The following GLT6D1 variants were observed in gnomAD, a reference collection of about 807,000 sequenced individuals.
The protein encoded by GLT6D1 is glycosyltransferase 6 domain containing 1.
Under a neutral mutation model 12.3 loss-of-function variants are expected in GLT6D1, and 9 were observed. The observed-to-expected ratio is 0.73, with a 90% CI of 0.44 to 1.27. The LOEUF (loss-of-function observed/expected upper bound fraction) is 1.27. GLT6D1 is among the 50% of genes most tolerant of loss of function. The pLI is 0.00. For synonymous variants in GLT6D1, 128 were observed against 132.3 expected (o/e 0.97, Z 0.23); for missense variants, 335 against 346.2 (o/e 0.97, Z 0.26).
chr9:135,625,858 A>G (rs1833501882), intron 4 of GLT6D1, among the ~76,000 whole-genome samples: 1 of 152,144 alleles, frequency 6.6e-6, no homozygotes, highest in African/African-American at 2.4e-5. Context: ...ATCTTGCAAG[A>G]CTGTCACTAA....
intron 2 of GLT6D1, among the ~76,000 whole-genome samples, chr9:135,632,050 G>A (rs563156981): frequency 2.4e-4 from 36 of 151,556 alleles, no homozygotes; most frequent in Non-Finnish European, 4.3e-4. Flanking sequence ...TCAACACTGC[G>A]TTCTTCTAGA....
At chr9:135,627,208 A>T (rs896754158) in intron 3 of GLT6D1, among the ~76,000 whole-genome samples, 29 of 149,262 alleles carry the variant, frequency 1.9e-4, no homozygotes, top group African/African-American at 6.7e-4. Context: ...AGATTACATA[A>T]TTGTCTACAT....
At position 135,639,463 on chromosome 9, in the gene GLT6D1, C is replaced by A; in HGVS notation, c.-177G>T. 1 of 282,596 alleles carries A rather than the reference C, an allele frequency of 3.5e-6. No homozygotes were observed. Among genetic ancestry groups the A allele is most frequent in the East Asian group, 7.2e-5 (1 of 13,902 alleles). The allele number at this position is 282,596 out of a possible 1,614,324, so 17.5% of individuals were successfully genotyped here. A position where few individuals can be genotyped will look rare whatever the true frequency, so the allele number is the denominator to read the frequency against. ...GTCTGCGTTGATTGCATGAAAGAAACGCAATAAATCTCTCCACTGCAGGGC... is the reference window on the plus strand; with the variant it reads ...GTCTGCGTTGATTGCATGAAAGAAAAGCAATAAATCTCTCCACTGCAGGGC... On this transcript the variant is annotated 5_prime_UTR_variant, in exon 1 of 5. Transcript: ENST00000371763.
intron 2 of GLT6D1, among the ~76,000 whole-genome samples, chr9:135,636,924 C>A (rs936268626): frequency 6.6e-6 from 1 of 152,106 alleles, no homozygotes; most frequent in African/African-American, 2.4e-5. Context: ...GTGATCTCAG[C>A]TCACCGCAAC....
Position 135,624,162 on chromosome 9 carries a change from T to A in GLT6D1, c.766A>T (p.Asn256Tyr). 2 of 1,613,740 alleles carry A rather than the reference T, an allele frequency of 1.2e-6. No individual in the cohort carries two copies. Among genetic ancestry groups the A allele is most frequent in the Non-Finnish European group, 1.7e-6 (2 of 1,179,904 alleles). The change falls in exon 5 of 5, where the codon AAT becomes TAT. Residue 256 changes from asparagine (N) to tyrosine (Y), a missense_variant. Transcript: ENST00000371763. ...TTTTCATAAGTGCTATTGAGTCCAT[T>A]TTTGATGTCATGAATAACTCCGTTC... is the stretch of plus-strand genomic sequence containing the variant. Reference protein sequence around the residue: ...YLNGVIHDIKNGLNSTYEKHL... With the variant: ...YLNGVIHDIKYGLNSTYEKHL...
intron 4 of GLT6D1, 138 bp downstream of exon 4, chr9:135,625,931 T>G: frequency 1.0e-6 from 1 of 955,320 alleles, no homozygotes; most frequent in Non-Finnish European, 1.6e-6. Context: ...ACAGGTAAGT[T>G]TGTTTCTCCC....
At chr9:135,633,393 GT>G (rs1262342234) in intron 2 of GLT6D1, among the ~76,000 whole-genome samples, 3 of 152,050 alleles carry the variant, frequency 2.0e-5, no homozygotes, top group African/African-American at 7.2e-5. Flanking sequence ...CAGATTACAG[GT>G]GCCCACTGCC....
At chr9:135,634,957 T>C (rs1002340559) in intron 2 of GLT6D1, among the ~76,000 whole-genome samples, 1 of 152,206 alleles carries the variant, frequency 6.6e-6, no homozygotes, top group African/African-American at 2.4e-5. Flanking sequence ...AAGAAAGCGC[T>C]GCGCGCAACC....
Position 135,623,899 on chromosome 9 carries a change from T to G in GLT6D1, c.*198A>C. ...AGAAGAAACATTTATTTGGGAAGGA[T>G]GTAAATTTGTATGTCTCTAAAAAAT... On this transcript the variant is annotated 3_prime_UTR_variant, in exon 5 of 5. Coordinates refer to ENST00000371763, the MANE Select transcript of GLT6D1 (RefSeq NM_182974.3). 2.0e-6 allele frequency: 1 copy of G among 509,414 alleles called. No individual in the cohort carries two copies. The highest frequency in any genetic ancestry group is 3.4e-6 in the Non-Finnish European group (1 of 289,938). 31.6% of individuals were successfully genotyped at this position (509,414 alleles called of 1,614,324 possible).
At chr9:135,635,195 G>C (rs1833745734) in intron 2 of GLT6D1, among the ~76,000 whole-genome samples, 1 of 152,120 alleles carries the variant, frequency 6.6e-6, no homozygotes, top group Non-Finnish European at 1.5e-5. Flanking sequence ...TTCATACTTT[G>C]GGTTATAATT....
At chr9:135,632,000 G>A (rs1286963983) in intron 2 of GLT6D1, among the ~76,000 whole-genome samples, 1 of 152,074 alleles carries the variant, frequency 6.6e-6, no homozygotes, top group East Asian at 1.9e-4. Context: ...AACCTCCAAA[G>A]TATCTGGGAC....
At position 135,639,464 on chromosome 9, in the gene GLT6D1, G is replaced by A. The variant is rs996264795; in HGVS notation, c.-178C>T. On this transcript the variant is annotated 5_prime_UTR_variant, in exon 1 of 5. Coordinates refer to ENST00000371763, the MANE Select transcript of GLT6D1 (RefSeq NM_182974.3). ...TCTGCGTTGATTGCATGAAAGAAAC[G>A]CAATAAATCTCTCCACTGCAGGGCT... The A allele has an allele frequency of 5.0e-5, 14 of 282,512 alleles. No individual in the cohort carries two copies. Among genetic ancestry groups the A allele is most frequent in the East Asian group, 7.2e-5 (1 of 13,888 alleles). 17.5% of individuals were successfully genotyped at this position (282,512 alleles called of 1,614,324 possible).
intron 2 of GLT6D1, 73 bp from the exon 3 acceptor site, chr9:135,631,551 C>A: frequency 2.5e-6 from 3 of 1,190,664 alleles, no homozygotes; most frequent in Non-Finnish European, 3.8e-6. Context: ...ATAGGCAGGC[C>A]CCGTTTGGTG....
At chr9:135,626,695 A>T (rs900999279) in intron 3 of GLT6D1, among the ~76,000 whole-genome samples, 1 of 151,730 alleles carries the variant, frequency 6.6e-6, no homozygotes, top group Non-Finnish European at 1.5e-5. Flanking sequence ...CCCTTTTCCT[A>T]CAAGTTTCTG....
In GLT6D1 at chr9:135,633,827, A is replaced by C. The variant is rs554445926; in HGVS notation, c.72-2349T>G. 1.3e-4 allele frequency among the ~76,000 whole-genome samples: 20 copies of C among 152,300 alleles called. 2 individuals carry two copies. In the South Asian group the frequency reaches 4.1e-3, roughly 32 times the overall value. The stretch of plus-strand genomic sequence containing the variant: ...TTAAATTTGAACAAAGACCCATTGC[A>C]ATTTCAACAACAAAATATCTAGAAT... On this transcript the variant is annotated intron_variant, in intron 2 of 4. Transcript: ENST00000371763.
rs1252692526 is a variant in GLT6D1, at chr9:135,624,585, C to A, written c.343G>T (p.Val115Leu). Residue 115 changes from valine (V) to leucine (L), a missense_variant, in exon 5 of 5, where the codon GTG becomes TTG. Transcript: ENST00000371763. Reference protein sequence around the residue: ...TGYRVIFYIMVDAFFKLPDIE... With the variant: ...TGYRVIFYIMLDAFFKLPDIE... ...TCAGGCAGCTTGAAGAAGGCGTCCACCATGATGTAGAAGATCACTCGGTAG... is the reference window on the plus strand; with the variant it reads ...TCAGGCAGCTTGAAGAAGGCGTCCAACATGATGTAGAAGATCACTCGGTAG... 2 of 1,613,514 alleles carry A rather than the reference C, an allele frequency of 1.2e-6. No individual in the cohort carries two copies. Among genetic ancestry groups the A allele is most frequent in the Admixed American group, 1.7e-5 (1 of 59,992 alleles).
intron 3 of GLT6D1, among the ~76,000 whole-genome samples, chr9:135,629,354 T>C (rs1833586412): frequency 6.6e-6 from 1 of 152,186 alleles, no homozygotes; most frequent in Admixed American, 6.5e-5. Context: ...TTAATTTCCC[T>C]TGTGATTCTT....
In GLT6D1 at chr9:135,626,128, C is replaced by T. The variant is rs1833509898; in HGVS notation, c.198G>A (p.Leu66=). ...LWEGTFDRRV[L]EKHYRRRNIT... ...TATTCCGCCTTCTGTAATGTTTTTC[C>T]AGGACCCGCCTGTCGAAAGTCCCTT... Residue 66 remains leucine, a synonymous_variant, in exon 4 of 5, where the codon CTG becomes CTA. Coordinates refer to ENST00000371763, the MANE Select transcript of GLT6D1 (RefSeq NM_182974.3). The T allele has an allele frequency of 1.2e-6, 2 of 1,613,904 alleles. No individual in the cohort carries two copies. Among genetic ancestry groups the T allele is most frequent in the East Asian group, 4.5e-5 (2 of 44,896 alleles).
chr9:135,624,466 C>G lies in GLT6D1; in HGVS notation c.462G>C (p.Leu154=). ...GGATGTGACTGGCGATGTGTTCACC[C>G]AGGCTCTTCACATGCACCAGGGGGC... ...LDGPLVHVKS[L]GEHIASHIQD... Residue 154 remains leucine, a synonymous_variant, in exon 5 of 5, where the codon CTG becomes CTC. Coordinates refer to ENST00000371763, the MANE Select transcript of GLT6D1 (RefSeq NM_182974.3). The G allele has an allele frequency of 6.2e-7, 1 of 1,614,050 alleles. No homozygotes were observed. The highest frequency in any genetic ancestry group is 8.5e-7 in the Non-Finnish European group (1 of 1,179,996).
Sources: gnomAD v4.1 joint callset for allele counts (sites outside exome capture counted in the v4.1 genomes callset) on GRCh38, gnomAD v4.1.1 for gene constraint, MANE v1.5 for transcripts, NCBI Gene and HGNC (gene_info 2026-07-23, HGNC 2026-07-21) for gene names.